The following ZNF423 variants were observed in gnomAD, a reference collection of about 807,000 sequenced individuals.
ZNF423 encodes the protein Ebf-associated zinc finger protein.
ZNF423 carries 12 observed loss-of-function variants against 95.8 expected under a neutral mutation model. That is an observed-to-expected ratio of 0.13 (90% CI 0.08 to 0.20). ZNF423 has a LOEUF of 0.20. ZNF423 is among the 10% of genes least tolerant of loss of function. ZNF423 has a pLI of 1.00. For missense variants in ZNF423, 1,316 were observed against 1,737.1 expected (o/e 0.76, Z 4.31); for synonymous variants, 749 against 711.9 (o/e 1.05, Z -0.83).
intron 5 of ZNF423, among the ~76,000 whole-genome samples, chr16:49,601,046 A>T (rs2151830894): frequency 6.6e-6 from 1 of 152,326 alleles, no homozygotes; most frequent in East Asian, 1.9e-4. Flanking sequence ...AGGAGTCCAC[A>T]TTGGTGGGAA....
chr16:49,563,639 G>T (rs1033932181), intron 5 of ZNF423, among the ~76,000 whole-genome samples: 1 of 152,188 alleles, frequency 6.6e-6, no homozygotes, highest in African/African-American at 2.4e-5. Context: ...AACCAAGGTG[G>T]TCTGCCTCCC....
chr16:49,665,907 AG>A (rs2151919898), intron 3 of ZNF423, among the ~76,000 whole-genome samples: 1 of 152,252 alleles, frequency 6.6e-6, no homozygotes, highest in East Asian at 1.9e-4. Flanking sequence ...GGGCATGGAA[AG>A]GTCTCTGCAT....
intron 7 of ZNF423, among the ~76,000 whole-genome samples, chr16:49,494,841 G>A (rs971117161): frequency 3.3e-5 from 5 of 152,252 alleles, no homozygotes; most frequent in African/African-American, 9.6e-5. Context: ...GCTAGAAGCT[G>A]TGGTTTGAGG....
In ZNF423 at chr16:49,514,560, C is replaced by T. The variant is rs74614286; in HGVS notation, c.3849+9064G>A. On this transcript the variant is annotated intron_variant, in intron 7 of 7. Transcript: ENST00000563137. ...TGTCTCAGAGAGCTCTCCCTCTGGCCGGGTACCAGGACCCTGCCTGGCAGA... is the reference window on the plus strand; with the variant it reads ...TGTCTCAGAGAGCTCTCCCTCTGGCTGGGTACCAGGACCCTGCCTGGCAGA... Among the ~76,000 whole-genome samples, 1,222 of 152,290 alleles carry T rather than the reference C, an allele frequency of 8.0e-3. 10 individuals are homozygous for T. The highest frequency in any genetic ancestry group is 0.027 in the African/African-American group (1,134 of 41,556).
chr16:49,700,972 G>A (rs576122527), intron 3 of ZNF423, among the ~76,000 whole-genome samples: 50 of 152,294 alleles, frequency 3.3e-4, no homozygotes, highest in African/African-American at 1.2e-3. Flanking sequence ...GGTCTTATCA[G>A]CAACTTAGAA....
chr16:49,798,078 T>C (rs1053478491), intron 1 of ZNF423, among the ~76,000 whole-genome samples: 3 of 152,180 alleles, frequency 2.0e-5, no homozygotes. Context: ...GACATGGTGG[T>C]ATGTGCCTGT....
At chr16:49,858,165 G>C (rs1232980600), upstream of ZNF423, among the ~76,000 whole-genome samples, 1 of 151,922 alleles carries the variant, frequency 6.6e-6, no homozygotes, top group East Asian at 1.9e-4. The surrounding 1 kb of genome is among the most constrained non-coding windows in gnomAD (Gnocchi z 4.3). Context: ...ACGTCCCCTC[G>C]GAGACGAGTT....
chr16:49,720,074 C>T (rs959769562), intron 3 of ZNF423, among the ~76,000 whole-genome samples: 11 of 152,162 alleles, frequency 7.2e-5, no homozygotes, highest in Admixed American at 1.3e-4. Context: ...CACACCATTA[C>T]CCCACCTTCC....
At chr16:49,858,727 C>CCCGCCCCCG (rs2035399448), upstream of ZNF423, among the ~76,000 whole-genome samples, 2 of 140,674 alleles carry the variant, frequency 1.4e-5, no homozygotes, top group African/African-American at 2.6e-5. The surrounding 1 kb of genome is among the most constrained non-coding windows in gnomAD (Gnocchi z 4.3). Flanking sequence ...GCCCCCCCCC[C>CCCGCCCCCG]CACGCCCCCG....
rs532760413 is a variant in ZNF423 at position 49,601,756 on chromosome 16, G to T, written c.3601+24414C>A. Reference sequence around the variant, plus strand: ...AGCCTGTGGTCCCCCCTTGGCTTTGGGACCTGCAGGCGGTGCTCAGGAACA... The same window carrying T: ...AGCCTGTGGTCCCCCCTTGGCTTTGTGACCTGCAGGCGGTGCTCAGGAACA... On this transcript the variant is annotated intron_variant, in intron 5 of 7. Coordinates refer to ENST00000563137, the MANE Select transcript of ZNF423 (RefSeq NM_001379286.1). 2.0e-5 allele frequency among the ~76,000 whole-genome samples: 3 copies of T among 152,330 alleles called. No homozygotes were observed. In the East Asian group the frequency reaches 5.8e-4, roughly 29 times the overall value.
At chr16:49,704,357 C>A (rs1454056115) in intron 3 of ZNF423, among the ~76,000 whole-genome samples, 7 of 152,188 alleles carry the variant, frequency 4.6e-5, no homozygotes, top group Non-Finnish European at 8.8e-5. Flanking sequence ...GTCCCTCAGT[C>A]CTACCCACAG....
At chr16:49,842,410 AAGGCAGGC>A (rs1211045896) in intron 1 of ZNF423, among the ~76,000 whole-genome samples, 2,160 of 77,606 alleles carry the variant, frequency 0.028, 66 homozygotes, top group Middle Eastern at 0.065. Context: ...GGAAGGAAGG[AAGGCAGGC>A]AGGCAGGCAG....
At chr16:49,634,042 G>T (rs1972595925) in intron 4 of ZNF423, among the ~76,000 whole-genome samples, 1 of 151,784 alleles carries the variant, frequency 6.6e-6, no homozygotes, top group African/African-American at 2.4e-5. Flanking sequence ...GAGTATCTGG[G>T]ACTACAGGTG....
intron 2 of ZNF423, among the ~76,000 whole-genome samples, chr16:49,743,191 C>T (rs1596956933): frequency 6.6e-6 from 1 of 152,176 alleles, no homozygotes; most frequent in Non-Finnish European, 1.5e-5. Flanking sequence ...CAGAAAGAGC[C>T]TCACTGTCAA....
At chr16:49,597,045 G>A (rs755433914) in intron 5 of ZNF423, among the ~76,000 whole-genome samples, 37 of 152,192 alleles carry the variant, frequency 2.4e-4, no homozygotes, top group African/African-American at 8.7e-4. Context: ...TCTGGGCATC[G>A]AGAGATCTCT....
At chr16:49,748,458 C>T (rs182664268) in intron 2 of ZNF423, among the ~76,000 whole-genome samples, 19 of 152,248 alleles carry the variant, frequency 1.2e-4, no homozygotes, top group African/African-American at 4.1e-4. Flanking sequence ...GAATGGAAAA[C>T]GGCCTAATTC....
At chr16:49,786,237 C>A (rs1365133672) in intron 2 of ZNF423, among the ~76,000 whole-genome samples, 1 of 152,240 alleles carries the variant, frequency 6.6e-6, no homozygotes, top group African/African-American at 2.4e-5. Flanking sequence ...CTGTCAGGGC[C>A]CCCGCTCGAG....
intron 2 of ZNF423, among the ~76,000 whole-genome samples, chr16:49,759,807 C>T (rs1026605024): frequency 6.6e-5 from 10 of 152,108 alleles, no homozygotes; most frequent in African/African-American, 1.2e-4. Flanking sequence ...CTCCTTCAGA[C>T]GTCACAGGAG....
intron 5 of ZNF423, among the ~76,000 whole-genome samples, chr16:49,556,107 A>G (rs1969818135): frequency 6.6e-6 from 1 of 152,214 alleles, no homozygotes; most frequent in South Asian, 2.1e-4. Context: ...CAAGCCCACA[A>G]GATCACTGGT....
Sources: gnomAD v4.1 joint callset for allele counts (sites outside exome capture counted in the v4.1 genomes callset) on GRCh38, gnomAD v4.1.1 for gene constraint, Gnocchi (gnomAD v3.1) non-coding constraint, MANE v1.5 for transcripts, NCBI Gene and HGNC (gene_info 2026-07-23, HGNC 2026-07-21) for gene names.